The following CFAP46 variants were observed in gnomAD, a reference collection of about 807,000 sequenced individuals.
CFAP46 encodes cilia and flagella associated protein 46.
CFAP46 carries 245 observed loss-of-function variants against 325.7 expected under a neutral mutation model. The observed-to-expected ratio is 0.75, with a 90% CI of 0.68 to 0.84. The LOEUF is 0.84. Among genes scored for constraint, CFAP46 ranks in the 40% least tolerant of loss-of-function variants. The pLI is 0.00. For synonymous variants in CFAP46, 1,523 were observed against 1,495.9 expected (o/e 1.02, Z -0.42); for missense variants, 3,346 against 3,543.0 (o/e 0.94, Z 1.41).
chr10:132,849,920 C>T (rs1461584522), intron 41 of CFAP46, among the ~76,000 whole-genome samples: 1 of 152,144 alleles, frequency 6.6e-6, no homozygotes, highest in East Asian at 1.9e-4. Flanking sequence ...ACACCAGTTG[C>T]GTTGCTCCAC....
intron 50 of CFAP46, among the ~76,000 whole-genome samples, chr10:132,822,460 T>C (rs1847881578): frequency 7.0e-6 from 1 of 143,358 alleles, no homozygotes; most frequent in African/African-American, 2.6e-5. Flanking sequence ...GTGTGCTGTG[T>C]GAGTGCTGAT....
chr10:132,925,227 G>A (rs1038397402), intron 10 of CFAP46, among the ~76,000 whole-genome samples: 4 of 152,198 alleles, frequency 2.6e-5, no homozygotes, highest in Admixed American at 1.3e-4. Flanking sequence ...TGCCTCCTCC[G>A]GTCTGTGCTA....
intron 1 of CFAP46, 83 bp from the exon 2 acceptor site, chr10:132,942,187 G>A (rs1010829397): frequency 1.3e-6 from 2 of 1,514,700 alleles, no homozygotes; most frequent in Admixed American, 2.1e-5. Context: ...AAGGCCCCAG[G>A]CAGCCGCCTT....
chr10:132,918,435 G>A lies in CFAP46; in HGVS notation c.1944C>T (p.Asp648=). The part of the protein sequence containing the change: ...EVVLQRQVCP[D]LLRKFAEVGF... ...CCACCTCCGCGAACTTCCGCAGCAG[G>A]TCGGGGCACACCTGCCTCTGCAGGA... The change falls in exon 16 of 58, where the codon GAC becomes GAT. Residue 648 remains aspartate, a synonymous_variant. Transcript: ENST00000368586. 6.5e-6 allele frequency: 10 copies of A among 1,549,462 alleles called. No individual in the cohort carries two copies. Among genetic ancestry groups the A allele is most frequent in the East Asian group, 2.4e-5 (1 of 40,874 alleles).
Position 132,886,085 on chromosome 10 carries a change from C to A in CFAP46, c.3305-126G>T. On this transcript the variant is annotated intron_variant, in intron 25 of 57. Coordinates refer to ENST00000368586, the MANE Select transcript of CFAP46 (RefSeq NM_001200049.3). This position sits in a 1 kb window ranked among gnomAD's most constrained non-coding sequence, Gnocchi z 5.8. ...GTGGAACCGCGGCTACAGAGGTGCCCAGGCCAGCGCATGCCCCGCAGGGCT... is the reference window on the plus strand; with the variant it reads ...GTGGAACCGCGGCTACAGAGGTGCCAAGGCCAGCGCATGCCCCGCAGGGCT... 7.9e-7 allele frequency: 1 copy of A among 1,273,844 alleles called. No individual in the cohort carries two copies. Among genetic ancestry groups the A allele is most frequent in the Non-Finnish European group, 1.1e-6 (1 of 928,088 alleles). 78.9% of individuals were successfully genotyped at this position (1,273,844 alleles called of 1,614,324 possible).
intron 50 of CFAP46, among the ~76,000 whole-genome samples, chr10:132,819,677 C>A (rs944483150): frequency 8.5e-5 from 13 of 152,280 alleles, no homozygotes; most frequent in Admixed American, 8.5e-4. Context: ...TTGGGGTAAC[C>A]CAATATCCAC....
intron 55 of CFAP46, among the ~76,000 whole-genome samples, chr10:132,812,208 C>T (rs565512055): frequency 6.6e-6 from 1 of 152,216 alleles, no homozygotes; most frequent in Admixed American, 6.5e-5. Context: ...GGTGACGTAC[C>T]CCTACGTGTG....
At chr10:132,842,962 A>G (rs1470677153) in intron 44 of CFAP46, among the ~76,000 whole-genome samples, 4 of 152,056 alleles carry the variant, frequency 2.6e-5, no homozygotes, top group Non-Finnish European at 4.4e-5. Flanking sequence ...TAAAGGCCCC[A>G]CCTCTCAATA....
At chr10:132,822,434 CTG>C (rs1193194060) in intron 50 of CFAP46, among the ~76,000 whole-genome samples, 3 of 125,608 alleles carry the variant, frequency 2.4e-5, no homozygotes, top group Non-Finnish European at 4.8e-5. Flanking sequence ...GTGATGTGTG[CTG>C]TGTGTGCAGT....
rs73391289 is a variant in CFAP46, at chr10:132,857,590, G to A, written c.5574C>T (p.Asp1858=). ...HSVQGLLSLQ[D]LQNVNTPLMR... ...CACAGGAACCAGGACACCTGCTTAC[G>A]TCTTGAAGTGACAATAGGCCCTGGA... The change falls in exon 39 of 58, where the codon GAC becomes GAT. Residue 1858 remains aspartate (D), a splice_region_variant and synonymous_variant. Coordinates refer to ENST00000368586, the MANE Select transcript of CFAP46 (RefSeq NM_001200049.3). 1.3e-5 allele frequency: 21 copies of A among 1,612,888 alleles called. No individual in the cohort carries two copies. Among genetic ancestry groups the A allele is most frequent in the South Asian group, 5.5e-5 (5 of 90,966 alleles).
intron 7 of CFAP46, among the ~76,000 whole-genome samples, chr10:132,936,256 C>A (rs1297952232): frequency 1.7e-5 from 2 of 120,738 alleles, no homozygotes; most frequent in Non-Finnish European, 3.5e-5. Context: ...TCCTCACTCC[C>A]CTCACATCCA....
In CFAP46 at chr10:132,939,403, G is replaced by A. The variant is rs564035144; in HGVS notation, c.372-650C>T. ...CCTGGGCAGCAGGGAGCATTGCAGG[G>A]ACTGAAGTAAGGGAATCCGGGCCCA... On this transcript the variant is annotated intron_variant, in intron 4 of 57. Coordinates refer to ENST00000368586, the MANE Select transcript of CFAP46 (RefSeq NM_001200049.3). The surrounding 1 kb of genome is among the most constrained non-coding windows in gnomAD (Gnocchi z 4.6). 2.9e-4 allele frequency among the ~76,000 whole-genome samples: 44 copies of A among 152,304 alleles called. No homozygotes were observed. Among genetic ancestry groups the A allele is most frequent in the Non-Finnish European group, 4.6e-4 (31 of 68,024 alleles).
chr10:132,899,461 A>G (rs946944241), intron 23 of CFAP46, 74 bp downstream of exon 23: 2 of 1,461,448 alleles, frequency 1.4e-6, no homozygotes, highest in African/African-American at 2.8e-5. Flanking sequence ...GATGGGCCAC[A>G]GCCTTGGTGA....
Position 132,872,668 on chromosome 10 carries a change from G to A in CFAP46, c.4511+8C>T. On this transcript the variant is annotated splice_region_variant and intron_variant, in intron 32 of 57. Transcript: ENST00000368586. ...GAAATCACACTCCGAAAAAGGAGCT[G>A]TACCCACCGAAGGTGGTAGAGATCC... is the stretch of plus-strand genomic sequence containing the variant. The A allele has an allele frequency of 4.5e-6, 7 of 1,550,570 alleles. No individual in the cohort carries two copies. The highest frequency in any genetic ancestry group is 6.1e-6 in the Non-Finnish European group (7 of 1,146,994).
At chr10:132,816,533 G>A (rs939082372) in intron 50 of CFAP46, among the ~76,000 whole-genome samples, 12 of 151,932 alleles carry the variant, frequency 7.9e-5, no homozygotes, top group East Asian at 1.9e-4. Context: ...GGGTTTCACC[G>A]TGTTAGCCAG....
intron 8 of CFAP46, among the ~76,000 whole-genome samples, chr10:132,932,898 C>T (rs558501274): frequency 2.0e-5 from 3 of 152,350 alleles, no homozygotes; most frequent in African/African-American, 4.8e-5. Context: ...GGTTTCCCTC[C>T]GGGACGCCTC....
chr10:132,860,011 C>T (rs1848700249), intron 37 of CFAP46, among the ~76,000 whole-genome samples: 1 of 152,214 alleles, frequency 6.6e-6, no homozygotes, highest in South Asian at 2.1e-4. Context: ...GCTGAGATTG[C>T]ACCACTGCAC....
chr10:132,895,059 C>T lies in CFAP46; in HGVS notation c.3220-2642G>A, dbSNP rs560789161. On this transcript the variant is annotated intron_variant, in intron 24 of 57. Transcript: ENST00000368586. ...TGAATACAGGTGCAAAAATCCTCCA[C>T]AAAAGATTAGCAAATGAAATCCAAC... Among the ~76,000 whole-genome samples, 5 of 152,158 alleles carry T rather than the reference C, an allele frequency of 3.3e-5. No homozygotes were observed. In the South Asian group the frequency reaches 1.0e-3, roughly 32 times the overall value.
chr10:132,860,379 T>C (rs1290037911), intron 37 of CFAP46, 38 bp downstream of exon 37: 2 of 1,480,530 alleles, frequency 1.4e-6, no homozygotes, highest in Non-Finnish European at 1.8e-6. Context: ...AAACCACAGC[T>C]TTCACGCTAA....
Sources: allele counts gnomAD v4.1 joint callset (sites outside exome capture counted in the v4.1 genomes callset), GRCh38; gene constraint gnomAD v4.1.1; non-coding constraint Gnocchi (gnomAD v3.1); transcripts MANE v1.5; gene names NCBI Gene and HGNC (gene_info 2026-07-23, HGNC 2026-07-21).